The following NSRP1 variants were observed in gnomAD, a reference collection of about 807,000 sequenced individuals.
The protein encoded by NSRP1 is coiled-coil domain containing 55.
Under a neutral mutation model 54.7 loss-of-function variants are expected in NSRP1, and 24 were observed. The ratio of observed to expected loss-of-function variants is 0.44; its 90% confidence interval spans 0.32 to 0.62. NSRP1 has a LOEUF of 0.62. Among genes scored for constraint, NSRP1 ranks in the 20% least tolerant of loss-of-function variants. NSRP1 has a pLI of 0.06. For synonymous variants in NSRP1, 210 were observed against 213.8 expected (o/e 0.98, Z 0.15); for missense variants, 596 against 651.2 (o/e 0.92, Z 0.92).
chr17:30,134,862 A>G (rs1191580269), intron 2 of NSRP1, among the ~76,000 whole-genome samples: 7 of 152,338 alleles, frequency 4.6e-5, no homozygotes, highest in East Asian at 1.9e-4. Flanking sequence ...TGGAAAGGGA[A>G]CACAAATAGA....
In NSRP1 at chr17:30,185,454, A is replaced by G. The variant is rs1415508168; in HGVS notation, c.1457A>G (p.Gln486Arg). Residue 486 changes from glutamine to arginine, a missense_variant, in exon 7 of 7, where the codon CAA (glutamine) becomes CGA (arginine). Gln to Arg is a conservative substitution (Grantham distance 43). Coordinates refer to ENST00000247026, the MANE Select transcript of NSRP1 (RefSeq NM_032141.4). Reference sequence around the variant, plus strand: ...ATGGCAAAGGACAAAGAAAGAAACCAAGAGAAACCCTCTAATTCTGAATCA... The same window carrying G: ...ATGGCAAAGGACAAAGAAAGAAACCGAGAGAAACCCTCTAATTCTGAATCA... ...RNMAKDKERN[Q>R]EKPSNSESSL... is the part of the protein sequence containing the mutation. The G allele has an allele frequency of 6.2e-7, 1 of 1,609,134 alleles. No individual in the cohort carries two copies.
intron 2 of NSRP1, among the ~76,000 whole-genome samples, chr17:30,159,503 G>A (rs1187435155): frequency 1.3e-5 from 2 of 152,006 alleles, no homozygotes; most frequent in African/African-American, 4.8e-5. Flanking sequence ...TTCCAGTATT[G>A]TGTTGAATAA....
At chr17:30,144,306 G>A (rs1284178734) in intron 2 of NSRP1, among the ~76,000 whole-genome samples, 7 of 150,472 alleles carry the variant, frequency 4.7e-5, no homozygotes, top group Non-Finnish European at 1.0e-4. Context: ...TATTGCTTAG[G>A]CTGGAGTGGA....
chr17:30,179,471 A>G (rs544301296), intron 5 of NSRP1, among the ~76,000 whole-genome samples, 174 bp downstream of exon 5: 1 of 152,364 alleles, frequency 6.6e-6, no homozygotes, highest in Admixed American at 6.5e-5. Flanking sequence ...AACAGAAAGG[A>G]AAGTTTAACT....
intron 2 of NSRP1, chr17:30,144,657 G>A (rs1332429971): frequency 6.6e-6 from 1 of 152,114 alleles, no homozygotes; most frequent in African/African-American, 2.4e-5. Context: ...ACATCCCTAT[G>A]TCTATATAGA....
intron 2 of NSRP1, among the ~76,000 whole-genome samples, chr17:30,156,885 T>C (rs991195892): frequency 2.0e-5 from 3 of 152,158 alleles, no homozygotes; most frequent in Admixed American, 1.3e-4. Context: ...TCTTTGTCAA[T>C]TCATATGTGA....
intron 2 of NSRP1, among the ~76,000 whole-genome samples, chr17:30,139,678 C>T (rs765361949): frequency 4.0e-5 from 6 of 151,620 alleles, no homozygotes; most frequent in Non-Finnish European, 5.9e-5. Context: ...GGGGGTAGTC[C>T]TTGGGAGTTA....
chr17:30,163,385 T>G (rs1904606869), intron 2 of NSRP1, among the ~76,000 whole-genome samples: 3 of 152,026 alleles, frequency 2.0e-5, no homozygotes, highest in Non-Finnish European at 2.9e-5. Flanking sequence ...AATTCTTTTC[T>G]GATGGTTACT....
At chr17:30,163,236 TGTGTGTGTGTG>T in intron 2 of NSRP1, 2 of 110,410 alleles carry the variant, frequency 1.8e-5, no homozygotes, top group African/African-American at 5.7e-5. Context: ...TGTGTGTGTG[TGTGTGTGTGTG>T]TTTTTAGTAG....
rs1567809456 is a variant in NSRP1 at position 30,185,012 on chromosome 17, A to C, written c.1015A>C (p.Lys339Gln). ...CCATTACACTGACCGTGATTACCGG[A>C]AAGAAAGGGATTCTCATAGGCACAG... Reference protein sequence around the residue: ...ENHYTDRDYRKERDSHRHREA... With the variant: ...ENHYTDRDYRQERDSHRHREA... The change falls in exon 7 of 7, where the codon AAA (lysine) becomes CAA (glutamine). Residue 339 changes from lysine (K) to glutamine (Q), a missense_variant. By Grantham distance (53) the Lys-to-Gln change is moderately conservative (BLOSUM62 1). Coordinates refer to ENST00000247026, the MANE Select transcript of NSRP1 (RefSeq NM_032141.4). The C allele has an allele frequency of 6.2e-7, 1 of 1,614,060 alleles. No homozygotes were observed. Among genetic ancestry groups the C allele is most frequent in the African/African-American group, 1.3e-5 (1 of 74,924 alleles).
chr17:30,130,898 A>G (rs938191872), intron 2 of NSRP1, among the ~76,000 whole-genome samples: 1 of 152,174 alleles, frequency 6.6e-6, no homozygotes, highest in African/African-American at 2.4e-5. Context: ...TCATGCATTT[A>G]TTAATGCATT....
At chr17:30,123,466 C>T (rs1372792961) in intron 2 of NSRP1, among the ~76,000 whole-genome samples, 1 of 152,148 alleles carries the variant, frequency 6.6e-6, no homozygotes, top group South Asian at 2.1e-4. Flanking sequence ...GTAAGAGTTC[C>T]TTTAGTATCT....
chr17:30,161,477 G>A (rs1280006534), intron 2 of NSRP1, among the ~76,000 whole-genome samples: 1 of 151,986 alleles, frequency 6.6e-6, no homozygotes, highest in Non-Finnish European at 1.5e-5. Flanking sequence ...TTACCCTGTT[G>A]CTTTCCTATG....
At chr17:30,131,604 T>C (rs865874380) in intron 2 of NSRP1, among the ~76,000 whole-genome samples, 2 of 152,220 alleles carry the variant, frequency 1.3e-5, no homozygotes, top group African/African-American at 4.8e-5. Flanking sequence ...ATGCTAATGA[T>C]CATGTGAGCC....
At chr17:30,118,811 C>T (rs1266781529) in intron 2 of NSRP1, among the ~76,000 whole-genome samples, 2 of 151,114 alleles carry the variant, frequency 1.3e-5, no homozygotes, top group African/African-American at 4.9e-5. Flanking sequence ...TGCAATGCCG[C>T]GATCTCGGCT....
At chr17:30,138,872 A>G (rs1262283590) in intron 2 of NSRP1, among the ~76,000 whole-genome samples, 1 of 128,706 alleles carries the variant, frequency 7.8e-6, no homozygotes, top group African/African-American at 3.0e-5. Context: ...GATAATAGCT[A>G]TCCTAAGGGG....
intron 2 of NSRP1, among the ~76,000 whole-genome samples, chr17:30,130,728 C>CA (rs1418100664): frequency 1.3e-5 from 2 of 152,074 alleles, no homozygotes; most frequent in African/African-American, 2.4e-5. Context: ...CTTTTTAACT[C>CA]AATGTGTCTT....
intron 1 of NSRP1, chr17:30,117,441 C>T (rs776973783): frequency 7.0e-6 from 3 of 427,684 alleles, no homozygotes; most frequent in South Asian, 6.9e-5. Context: ...TGCGGCCTCC[C>T]GTGATCTCCG....
chr17:30,138,921 T>TG (rs2071775983), intron 2 of NSRP1, among the ~76,000 whole-genome samples: 2 of 133,860 alleles, frequency 1.5e-5, no homozygotes, highest in East Asian at 2.3e-4. Flanking sequence ...TTTTTTTTTT[T>TG]TTTTTTTTTT....
Sources: allele counts gnomAD v4.1 joint callset (sites outside exome capture counted in the v4.1 genomes callset), GRCh38; gene constraint gnomAD v4.1.1; transcripts MANE v1.5; gene names NCBI Gene and HGNC (gene_info 2026-07-23, HGNC 2026-07-21).